Variants in GABRG3 observed in about 807,000 individuals in gnomAD.
GABRG3 encodes gamma-aminobutyric acid receptor subunit gamma-3.
Under a neutral mutation model 48.8 loss-of-function variants are expected in GABRG3, and 25 were observed. The ratio of observed to expected loss-of-function variants is 0.51; its 90% confidence interval spans 0.37 to 0.72. The LOEUF (loss-of-function observed/expected upper bound fraction) is 0.72. Ranked by LOEUF, GABRG3 falls within the 30% of genes least tolerant of loss-of-function variation. The probability of loss-of-function intolerance (pLI) is 0.00; values close to 1 mark genes in which losing one functional copy is unlikely to be tolerated. For missense variants in GABRG3, 394 were observed against 577.9 expected, an observed-to-expected ratio of 0.68 and a Z score of 3.26; for synonymous variants, 227 against 217.6, an observed-to-expected ratio of 1.04 and a Z score of -0.38.
At chr15:27,368,615 T>A (rs2140553700) in intron 5 of GABRG3, among the ~76,000 whole-genome samples, 1 of 152,260 alleles carries the variant, frequency 6.6e-6, no homozygotes, top group East Asian at 1.9e-4. Flanking sequence ...GTAAGTTAGG[T>A]TCCATTATTG....
In GABRG3 at chr15:27,305,644, TTATA is replaced by T. The variant is rs529680955; in HGVS notation, c.271-21160_271-21157del. The stretch of plus-strand genomic sequence containing the variant: ...ATATATATAATATAAACCTATATGT[TTATA>T]TATAAACATATATAATATAAACCTA... On this transcript the variant is annotated intron_variant, in intron 3 of 9. Coordinates refer to ENST00000615808, the MANE Select transcript of GABRG3 (RefSeq NM_033223.5). 5.5e-3 allele frequency among the ~76,000 whole-genome samples: 722 copies of T among 130,216 alleles called. 15 individuals are homozygous for T. The highest frequency in any genetic ancestry group is 0.019 in the African/African-American group (696 of 36,236). The allele number at this position is 130,216 out of a possible 152,430, so 85.4% of individuals were successfully genotyped here. A position where few individuals can be genotyped will look rare whatever the true frequency, so the allele number is the denominator to read the frequency against.
At chr15:27,210,400 G>A (rs1054387690) in intron 3 of GABRG3, among the ~76,000 whole-genome samples, 1 of 152,170 alleles carries the variant, frequency 6.6e-6, no homozygotes, top group Non-Finnish European at 1.5e-5. Context: ...AGTTTTCAAG[G>A]GCATATCCTG....
At chr15:27,456,258 A>T (rs1889275023) in intron 5 of GABRG3, among the ~76,000 whole-genome samples, 1 of 152,106 alleles carries the variant, frequency 6.6e-6, no homozygotes, top group African/African-American at 2.4e-5. Flanking sequence ...ACCCCTTCCC[A>T]TGACAGCTGC....
intron 2 of GABRG3, among the ~76,000 whole-genome samples, chr15:27,026,464 T>C (rs1595479931): frequency 6.6e-6 from 1 of 152,228 alleles, no homozygotes; most frequent in Admixed American, 6.5e-5. Flanking sequence ...AACGTTACGG[T>C]ATATCTTTAT....
At chr15:27,244,463 A>G (rs879816900) in intron 3 of GABRG3, among the ~76,000 whole-genome samples, 7 of 152,224 alleles carry the variant, frequency 4.6e-5, no homozygotes, top group Admixed American at 1.3e-4. Context: ...AACAGAGAAC[A>G]TATCATGCCC....
chr15:27,434,935 C>G (rs1201165580), intron 5 of GABRG3, among the ~76,000 whole-genome samples: 1 of 152,184 alleles, frequency 6.6e-6, no homozygotes, highest in African/African-American at 2.4e-5. Context: ...CCTTCCTGCT[C>G]TCATCTTTCC....
intron 6 of GABRG3, among the ~76,000 whole-genome samples, chr15:27,508,568 C>T (rs1890816117): frequency 6.6e-6 from 1 of 152,210 alleles, no homozygotes; most frequent in Non-Finnish European, 1.5e-5. Flanking sequence ...ATTTCCAACA[C>T]TCTTCATTTC....
chr15:27,085,096 T>G (rs1189456101), intron 3 of GABRG3, among the ~76,000 whole-genome samples: 1 of 152,246 alleles, frequency 6.6e-6, no homozygotes, highest in Non-Finnish European at 1.5e-5. Flanking sequence ...GAGAGTATCA[T>G]GCACCACATA....
intron 5 of GABRG3, among the ~76,000 whole-genome samples, chr15:27,378,555 A>T (rs1474763449): frequency 1.3e-5 from 2 of 152,234 alleles, no homozygotes; most frequent in Admixed American, 1.3e-4. Context: ...CCAGGTATGG[A>T]TTCCAAAATT....
intron 5 of GABRG3, among the ~76,000 whole-genome samples, chr15:27,437,438 G>A (rs1400999701): frequency 6.6e-6 from 1 of 152,170 alleles, no homozygotes; most frequent in East Asian, 1.9e-4. Flanking sequence ...AGAGGAAAAT[G>A]GCTTTTTCTT....
chr15:27,062,035 A>AATCT (rs1296898615), intron 3 of GABRG3, among the ~76,000 whole-genome samples: 17 of 152,268 alleles, frequency 1.1e-4, no homozygotes, highest in African/African-American at 4.1e-4. Context: ...AGTGCTACAG[A>AATCT]ATCTCTCTCA....
intron 3 of GABRG3, among the ~76,000 whole-genome samples, chr15:27,154,789 CTT>C (rs552476362): frequency 1.2e-3 from 182 of 151,934 alleles, no homozygotes; most frequent in Non-Finnish European, 1.8e-3. Flanking sequence ...TTGGTTTATA[CTT>C]TTTTTTGTCC....
At chr15:27,209,756 G>C (rs942131307) in intron 3 of GABRG3, among the ~76,000 whole-genome samples, 1 of 152,226 alleles carries the variant, frequency 6.6e-6, no homozygotes, top group Non-Finnish European at 1.5e-5. Context: ...GCCACAGACT[G>C]GGGGCTCAAA....
At chr15:27,174,572 CCT>C (rs140889872) in intron 3 of GABRG3, among the ~76,000 whole-genome samples, 20 of 143,130 alleles carry the variant, frequency 1.4e-4, no homozygotes, top group African/African-American at 4.7e-4. Flanking sequence ...CCAGTGACTG[CCT>C]CTCTCTCTCG....
intron 6 of GABRG3, among the ~76,000 whole-genome samples, chr15:27,488,511 C>T (rs750034216): frequency 7.2e-5 from 11 of 152,060 alleles, no homozygotes; most frequent in Non-Finnish European, 1.3e-4. Context: ...ATTCTAGTGC[C>T]GGCCTCAGAG....
At chr15:27,267,394 A>G (rs1038100951) in intron 3 of GABRG3, among the ~76,000 whole-genome samples, 4 of 151,476 alleles carry the variant, frequency 2.6e-5, no homozygotes, top group African/African-American at 9.7e-5. Flanking sequence ...GGCATGAGCC[A>G]CTGCACCTGG....
At chr15:27,253,446 A>G (rs941293774) in intron 3 of GABRG3, among the ~76,000 whole-genome samples, 1 of 152,004 alleles carries the variant, frequency 6.6e-6, no homozygotes, top group African/African-American at 2.4e-5. Flanking sequence ...CAGCTGGCCC[A>G]TTTGTCTCCT....
At chr15:27,302,352 A>G (rs1892240746) in intron 3 of GABRG3, among the ~76,000 whole-genome samples, 1 of 152,068 alleles carries the variant, frequency 6.6e-6, no homozygotes, top group East Asian at 1.9e-4. Flanking sequence ...GACTTGTTTT[A>G]TCAGAAAAGT....
chr15:27,422,153 G>T (rs1199972276), intron 5 of GABRG3, among the ~76,000 whole-genome samples: 267 of 86,740 alleles, frequency 3.1e-3, no homozygotes, highest in Middle Eastern at 0.019. Flanking sequence ...AAGATATCCA[G>T]GGGAGTGGGC....
Sources: gnomAD v4.1 joint callset for allele counts (sites outside exome capture counted in the v4.1 genomes callset) on GRCh38, gnomAD v4.1.1 for gene constraint, MANE v1.5 for transcripts, NCBI Gene and HGNC (gene_info 2026-07-23, HGNC 2026-07-21) for gene names.